Variants in PCNT observed in about 807,000 individuals in gnomAD.
PCNT encodes the protein pericentrin, also known as kendrin.
Under a neutral mutation model 380.4 loss-of-function variants are expected in PCNT, and 319 were observed. The ratio of observed to expected loss-of-function variants is 0.84; its 90% CI spans 0.77 to 0.92. PCNT has a LOEUF of 0.92. Among genes scored for constraint, PCNT ranks in the 40% least tolerant of loss-of-function variants. PCNT has a pLI of 0.00. For synonymous variants in PCNT, 1,845 were observed against 1,735.2 expected (o/e 1.06, Z -1.57); for missense variants, 4,400 against 4,255.3 (o/e 1.03, Z -0.95).
intron 29 of PCNT, among the ~76,000 whole-genome samples, chr21:46,413,760 C>A (rs1008310891): frequency 6.6e-6 from 1 of 152,172 alleles, no homozygotes; most frequent in Non-Finnish European, 1.5e-5. Flanking sequence ...TCACCTCACT[C>A]CATATTGTCA....
chr21:46,438,334 A>G lies in PCNT; in HGVS notation c.9270A>G (p.Pro3090=). The change falls in exon 41 of 47, where the codon CCA becomes CCG. Residue 3090 remains proline (P), a synonymous_variant. Transcript: ENST00000359568. ...ACCATCTGCAGAAGGGCTGCAGCCC[A>G]AGCGTAGGTGTCTGTGCTTAACTCT... ...LKHHLQKGCS[P]SRSERSAWKP... 1 of 1,613,820 alleles carries G rather than the reference A, an allele frequency of 6.2e-7. No homozygotes were observed. Among genetic ancestry groups the G allele is most frequent in the Non-Finnish European group, 8.5e-7 (1 of 1,179,746 alleles).
intron 15 of PCNT, among the ~76,000 whole-genome samples, chr21:46,368,936 C>A: frequency 6.6e-6 from 1 of 152,268 alleles, no homozygotes. Context: ...TCCTTCCTGA[C>A]TGTGGGGAAC....
chr21:46,381,789 G>GA lies in PCNT; in HGVS notation c.3264dup (p.Glu1089ArgfsTer105). The GA allele has an allele frequency of 6.2e-7, 1 of 1,614,232 alleles. No individual in the cohort carries two copies. The highest frequency in any genetic ancestry group is 8.5e-7 in the Non-Finnish European group (1 of 1,180,024). On this transcript the variant is annotated frameshift_variant, in exon 16 of 47. Transcript: ENST00000359568. LOFTEE classifies it high-confidence loss of function. ...AGGCACAGCCTTTTCACCAAGAGGA[G>GA]AAAGAGTCTTTGTCTCTGCAGCTTC...
At chr21:46,367,650 G>T (rs2084976337) in intron 15 of PCNT, among the ~76,000 whole-genome samples, 1 of 152,100 alleles carries the variant, frequency 6.6e-6, no homozygotes, top group South Asian at 2.1e-4. Flanking sequence ...TATTTTGATC[G>T]CAGGCACCTT....
intron 29 of PCNT, among the ~76,000 whole-genome samples, chr21:46,415,653 G>A (rs2086998945): frequency 6.6e-6 from 1 of 152,102 alleles, no homozygotes; most frequent in African/African-American, 2.4e-5. Context: ...AAAATGCTAG[G>A]ATTACAGGCG....
intron 9 of PCNT, 103 bp downstream of exon 9, chr21:46,351,643 A>C: frequency 2.5e-6 from 2 of 795,116 alleles, no homozygotes; most frequent in South Asian, 2.8e-5. Flanking sequence ...GCAAACACAA[A>C]AAAGTGGATT....
chr21:46,349,874 G>A, intron 8 of PCNT, 54 bp downstream of exon 8: 5 of 1,555,496 alleles, frequency 3.2e-6, no homozygotes, highest in Non-Finnish European at 3.6e-6. Context: ...AGTTTTAACA[G>A]ATTTTGGAAT....
intron 13 of PCNT, 21 bp downstream of exon 13, chr21:46,357,212 C>T (rs746836332): frequency 2.0e-5 from 30 of 1,510,850 alleles, no homozygotes; most frequent in Non-Finnish European, 2.5e-5. Flanking sequence ...ACTCCACAGC[C>T]CAGCGCCTCC....
chr21:46,426,069 CTTTTTTTTTTTTTTT>C, intron 33 of PCNT, 98 bp downstream of exon 33: 1 of 306,152 alleles, frequency 3.3e-6, no homozygotes, highest in Non-Finnish European at 5.5e-6. Context: ...GGATTTCTTT[CTTTTTTTTTTTTTTT>C]TTTTTTTTTT....
chr21:46,367,205 G>T (rs555747920), intron 15 of PCNT, 66 bp downstream of exon 15: 1 of 1,379,318 alleles, frequency 7.2e-7, no homozygotes, highest in Non-Finnish European at 1.0e-6. Flanking sequence ...TGTTTCCACC[G>T]CGTGTCACAT....
chr21:46,381,054 A>G (rs538181810), intron 15 of PCNT, among the ~76,000 whole-genome samples: 2 of 151,900 alleles, frequency 1.3e-5, no homozygotes, highest in South Asian at 2.1e-4. Context: ...GCAGGCGCCT[A>G]TAATCCCAGC....
chr21:46,443,819 C>G lies in PCNT; in HGVS notation c.9710C>G (p.Ala3237Gly). ...AATAATTCTGGGGAAGGGCCCCGAG[C>G]ACGACAGCCGCAGTCTCCACCCAGA... is the stretch of plus-strand genomic sequence containing the variant. ...QGKAPRPGPRARQPQSPPRTR... is the reference protein window; with the variant it reads ...QGKAPRPGPRGRQPQSPPRTR... The change falls in exon 45 of 47, where the codon GCA becomes GGA. Residue 3237 changes from alanine (A) to glycine (G), a missense_variant. Physicochemically the swap from Ala to Gly is moderately conservative, Grantham distance 60. Transcript: ENST00000359568. 6.2e-7 allele frequency: 1 copy of G among 1,613,784 alleles called. No individual in the cohort carries two copies. Among genetic ancestry groups the G allele is most frequent in the South Asian group, 1.1e-5 (1 of 91,066 alleles).
chr21:46,435,382 C>T (rs773374166), intron 38 of PCNT, among the ~76,000 whole-genome samples: 10 of 151,986 alleles, frequency 6.6e-5, no homozygotes, highest in Admixed American at 6.6e-4. Flanking sequence ...CGCACCACCA[C>T]GCCCAGCTAA....
intron 27 of PCNT, among the ~76,000 whole-genome samples, chr21:46,404,720 A>T (rs970243453): frequency 6.6e-6 from 1 of 152,032 alleles, no homozygotes; most frequent in Non-Finnish European, 1.5e-5. Context: ...GAGACTGAGG[A>T]GGGTGGGTTA....
intron 37 of PCNT, 133 bp from the exon 38 acceptor site, chr21:46,431,396 A>G (rs1031764220): frequency 7.7e-5 from 117 of 1,527,258 alleles, no homozygotes; most frequent in Non-Finnish European, 8.8e-5. Flanking sequence ...TTGTCCCTAC[A>G]TGTGGCTAAT....
At position 46,442,438 on chromosome 21, in the gene PCNT, G is replaced by A. The variant is rs543566753; in HGVS notation, c.9624-59G>A. Reference sequence around the variant, plus strand: ...GTTTGGTCACAGTGGGGTTTTCATTGCTCTTTCCCTTCCTGTCTTGCCGTA... The same window carrying A: ...GTTTGGTCACAGTGGGGTTTTCATTACTCTTTCCCTTCCTGTCTTGCCGTA... On this transcript the variant is annotated intron_variant, in intron 43 of 46. Coordinates refer to ENST00000359568, the MANE Select transcript of PCNT (RefSeq NM_006031.6). 4 of 1,091,652 alleles carry A rather than the reference G, an allele frequency of 3.7e-6. No individual in the cohort carries two copies. The South Asian group carries it at 3.8e-5, about 10-fold the overall frequency. The allele number at this position is 1,091,652 out of a possible 1,614,324, so 67.6% of individuals were successfully genotyped here.
In PCNT at chr21:46,363,933, A is replaced by G; in HGVS notation, c.2608A>G (p.Arg870Gly). 2 of 1,605,640 alleles carry G rather than the reference A, an allele frequency of 1.2e-6. No individual in the cohort carries two copies. Among genetic ancestry groups the G allele is most frequent in the East Asian group, 2.2e-5 (1 of 44,886 alleles). Residue 870 changes from arginine to glycine, a missense_variant and splice_region_variant, in exon 14 of 47, where the codon AGG becomes GGG. Arg to Gly is a moderately radical substitution (Grantham distance 125, BLOSUM62 -2). Transcript: ENST00000359568. The stretch of plus-strand genomic sequence containing the variant: ...CCTGCAGCTGATGCTGGCCCGGAGC[A>G]GGTGGGTTTGCAGTGACGCCATCTG... Reference protein sequence around the residue: ...CALQLMLARSRFLEERKEITE... With the variant: ...CALQLMLARSGFLEERKEITE...
chr21:46,386,053 G>A (rs2085821844), intron 17 of PCNT, 70 bp downstream of exon 17: 1 of 1,587,646 alleles, frequency 6.3e-7, no homozygotes. Flanking sequence ...AGATGCCATT[G>A]GTCCCCACGG....
At chr21:46,364,807 C>G (rs1282327633) in intron 14 of PCNT, among the ~76,000 whole-genome samples, 1 of 152,218 alleles carries the variant, frequency 6.6e-6, no homozygotes, top group Non-Finnish European at 1.5e-5. Flanking sequence ...AACTCACGTT[C>G]AGGTCGCTGG....
Sources: gnomAD v4.1 joint callset for allele counts (sites outside exome capture counted in the v4.1 genomes callset) on GRCh38, gnomAD v4.1.1 for gene constraint, MANE v1.5 for transcripts, NCBI Gene and HGNC (gene_info 2026-07-23, HGNC 2026-07-21) for gene names.